Variants in LGALS4 observed in about 807,000 individuals in gnomAD.
LGALS4 encodes the protein galectin 4.
Under a neutral mutation model 39.6 loss-of-function variants are expected in LGALS4, and 37 were observed. That is an observed-to-expected ratio of 0.93 (90% CI 0.72 to 1.23). The LOEUF is 1.23. LGALS4 is among the 50% of genes most tolerant of loss of function. The pLI is 0.00. For missense variants in LGALS4, 397 were observed against 433.2 expected, an observed-to-expected ratio of 0.92 and a Z score of 0.74; for synonymous variants, 160 against 165.5, an observed-to-expected ratio of 0.97 and a Z score of 0.25.
chr19:38,810,351 C>T (rs1445959147), intron 2 of LGALS4, among the ~76,000 whole-genome samples: 3 of 132,436 alleles, frequency 2.3e-5, no homozygotes, highest in Middle Eastern at 4.2e-3. Flanking sequence ...GATGAGATTT[C>T]GCCTTTTTTT....
Position 38,806,555 on chromosome 19 carries a change from C to T in LGALS4, c.380G>A (p.Arg127Gln), listed in dbSNP as rs779202422. 6.8e-6 allele frequency: 11 copies of T among 1,613,864 alleles called. No homozygotes were observed. Among genetic ancestry groups the T allele is most frequent in the South Asian group, 3.3e-5 (3 of 91,078 alleles). The change falls in exon 4 of 10, where the codon CGG (arginine) becomes CAG (glutamine). Residue 127 changes from arginine (R) to glutamine (Q), a missense_variant. Arg to Gln is a conservative substitution (Grantham distance 43). Transcript: ENST00000307751. The part of the protein sequence containing the change: ...NGNPFYEYGH[R>Q]LPLQMVTHLQ... ...GTGGGTGACCATCTGTAGGGGAAGC[C>T]GGTGCCCGTACTCATAGAAGGGATT... is the stretch of plus-strand genomic sequence containing the variant.
At chr19:38,804,831 AC>A (rs1971403432) in intron 4 of LGALS4, among the ~76,000 whole-genome samples, 1 of 151,794 alleles carries the variant, frequency 6.6e-6, no homozygotes, top group African/African-American at 2.4e-5. Context: ...TAAAAAAAAA[AC>A]AAAAAACAAA....
At position 38,806,481 on chromosome 19, in the gene LGALS4, C is replaced by G. The variant is rs773303829; in HGVS notation, c.454G>C (p.Gly152Arg). ...LQLQSINFIGGQPLRPQGPPM... is the reference protein window; with the variant it reads ...LQLQSINFIGRQPLRPQGPPM... ...CACACCTGGGGCCGGAGGGGCTGGC[C>G]TCCGATGAAGTTGATTGATTGAAGT... Residue 152 changes from glycine to arginine, a missense_variant, in exon 4 of 10, where the codon GGC becomes CGC. Physicochemically the swap from Gly to Arg is moderately radical, Grantham distance 125. Coordinates refer to ENST00000307751, the MANE Select transcript of LGALS4 (RefSeq NM_006149.4). 2 of 1,614,174 alleles carry G rather than the reference C, an allele frequency of 1.2e-6. 1 individual carries two copies. The highest frequency in any genetic ancestry group is 2.2e-5 in the South Asian group (2 of 91,080).
At chr19:38,806,640 T>C in intron 3 of LGALS4, 45 bp from the exon 4 acceptor site, 3 of 1,607,650 alleles carry the variant, frequency 1.9e-6, no homozygotes, top group Non-Finnish European at 2.6e-6. Context: ...CCCATGATCC[T>C]GGGAAGGTAC....
At chr19:38,807,115 C>T (rs1971431172) in intron 3 of LGALS4, among the ~76,000 whole-genome samples, 2 of 152,126 alleles carry the variant, frequency 1.3e-5, no homozygotes, top group Admixed American at 1.3e-4. Context: ...TGCCTGTAAT[C>T]CCAGCACTTT....
In LGALS4 at chr19:38,802,022, G is replaced by C. The variant is rs1971362320; in HGVS notation, c.795C>G (p.His265Gln). 3 of 1,614,246 alleles carry C rather than the reference G, an allele frequency of 1.9e-6. No homozygotes were observed. The South Asian group carries it at 3.3e-5, about 18-fold the overall frequency. Residue 265 changes from histidine to glutamine, a missense_variant, in exon 9 of 10, where the codon CAC becomes CAG. Transcript: ENST00000307751. ...SWGSEEKKIT[H>Q]NPFGPGQFFD... ...AGAACTGTCCGGGACCAAATGGGTT[G>C]TGGGTGATCTTCTTCTCCTCGGATC...
intron 3 of LGALS4, among the ~76,000 whole-genome samples, chr19:38,806,869 C>G (rs570640053): frequency 1.3e-5 from 2 of 151,918 alleles, no homozygotes; most frequent in Non-Finnish European, 2.9e-5. Context: ...ATCGCCTGAA[C>G]CCGGGAGGTG....
At chr19:38,812,622 C>T in intron 1 of LGALS4, 103 bp from the exon 2 acceptor site, 1 of 1,129,564 alleles carries the variant, frequency 8.9e-7, no homozygotes, top group Middle Eastern at 2.0e-4. Context: ...AGAGAGGAAA[C>T]CATGGGGGAG....
At chr19:38,804,073 G>A (rs1175077773) in intron 4 of LGALS4, among the ~76,000 whole-genome samples, 178 bp from the exon 5 acceptor site, 1 of 152,136 alleles carries the variant, frequency 6.6e-6, no homozygotes, top group Non-Finnish European at 1.5e-5. Context: ...CATGTTCTGG[G>A]ATCGCTGATG....
chr19:38,812,337 G>T, intron 2 of LGALS4, 94 bp downstream of exon 2: 3 of 1,036,200 alleles, frequency 2.9e-6, no homozygotes, highest in Non-Finnish European at 4.4e-6. Flanking sequence ...TCTCCACCAG[G>T]GTGGGGTAAG....
intron 2 of LGALS4, among the ~76,000 whole-genome samples, chr19:38,809,236 G>A: frequency 6.9e-6 from 1 of 145,472 alleles, no homozygotes; most frequent in Non-Finnish European, 1.5e-5. Context: ...TGGAGTTGGA[G>A]TGCCGCGATC....
intron 7 of LGALS4, chr19:38,803,286 G>A: frequency 1.7e-6 from 1 of 588,964 alleles, no homozygotes; most frequent in Non-Finnish European, 3.0e-6. Flanking sequence ...CAAAGTGCTG[G>A]GATTACAGGC....
At chr19:38,811,859 C>G (rs940784283) in intron 2 of LGALS4, among the ~76,000 whole-genome samples, 2 of 151,782 alleles carry the variant, frequency 1.3e-5, no homozygotes, top group Non-Finnish European at 2.9e-5. Flanking sequence ...ACTAAAAATA[C>G]AAAAATTAGC....
At position 38,806,483 on chromosome 19, in the gene LGALS4, C is replaced by T; in HGVS notation, c.452G>A (p.Gly151Glu). 6.2e-7 allele frequency: 1 copy of T among 1,614,170 alleles called. No individual in the cohort carries two copies. Among genetic ancestry groups the T allele is most frequent in the Non-Finnish European group, 8.5e-7 (1 of 1,180,030 alleles). Reference protein sequence around the residue: ...DLQLQSINFIGGQPLRPQGPP... With the variant: ...DLQLQSINFIEGQPLRPQGPP... Reference sequence around the variant, plus strand: ...CACCTGGGGCCGGAGGGGCTGGCCTCCGATGAAGTTGATTGATTGAAGTTG... The same window carrying T: ...CACCTGGGGCCGGAGGGGCTGGCCTTCGATGAAGTTGATTGATTGAAGTTG... The change falls in exon 4 of 10, where the codon GGA becomes GAA. Residue 151 changes from glycine to glutamate, a missense_variant. Coordinates refer to ENST00000307751, the MANE Select transcript of LGALS4 (RefSeq NM_006149.4).
In LGALS4 at chr19:38,808,966, G is replaced by A; in HGVS notation, c.135-18C>T. On this transcript the variant is annotated intron_variant, in intron 2 of 9. Transcript: ENST00000307751. ...CGAAGAACCTGGCGGGACACAAAGG[G>A]CTCATTCCCCTGGTGCCACCTCCCG... is the stretch of plus-strand genomic sequence containing the variant. 1 of 1,582,782 alleles carries A rather than the reference G, an allele frequency of 6.3e-7. No individual in the cohort carries two copies. Among genetic ancestry groups the A allele is most frequent in the South Asian group, 1.1e-5 (1 of 87,980 alleles).
Position 38,802,292 on chromosome 19 carries a change from G to T in LGALS4, c.659+24C>A, listed in dbSNP as rs369591090. On this transcript the variant is annotated intron_variant, in intron 8 of 9. Transcript: ENST00000307751. ...GGTCTGAGGGAGGAGGGGGCTGGGG[G>T]TTCCCACCTAGTTTACGTTATACCT... The T allele has an allele frequency of 6.2e-6, 10 of 1,607,908 alleles. No individual in the cohort carries two copies. The African/African-American group carries it at 9.4e-5, about 15-fold the overall frequency.
At chr19:38,807,928 C>G (rs918220908) in intron 3 of LGALS4, among the ~76,000 whole-genome samples, 8 of 152,026 alleles carry the variant, frequency 5.3e-5, no homozygotes, top group African/African-American at 9.7e-5. Flanking sequence ...CAGCATGCTC[C>G]TTAAGAGTCA....
chr19:38,808,640 A>AAAC (rs1555720051), intron 3 of LGALS4, 104 bp downstream of exon 3: 1 of 760,862 alleles, frequency 1.3e-6, no homozygotes, highest in Non-Finnish European at 1.9e-6. Context: ...AAAAAAAAAA[A>AAAC]AAAGAAAGAA....
At chr19:38,802,819 A>G (rs1238948645) in intron 7 of LGALS4, among the ~76,000 whole-genome samples, 1 of 151,956 alleles carries the variant, frequency 6.6e-6, no homozygotes, top group Non-Finnish European at 1.5e-5. Context: ...CTGGGATTAC[A>G]GGTGTGCGCC....
Sources: gnomAD v4.1 joint callset for allele counts (sites outside exome capture counted in the v4.1 genomes callset) on GRCh38, gnomAD v4.1.1 for gene constraint, MANE v1.5 for transcripts, NCBI Gene and HGNC (gene_info 2026-07-23, HGNC 2026-07-21) for gene names.